Variants in GPBP1 observed in about 807,000 individuals in gnomAD.
GPBP1 encodes GC-rich promoter binding protein 1, also known as vasculin.
A neutral mutation model predicts 56.5 loss-of-function variants in GPBP1; 13 were observed. That is an observed-to-expected ratio of 0.23 (90% CI 0.15 to 0.37). The LOEUF (loss-of-function observed/expected upper bound fraction) is 0.37, where lower values mean the gene tolerates loss of function less well. GPBP1 is among the 10% of genes least tolerant of loss of function. The probability of loss-of-function intolerance (pLI) is 1.00; values close to 1 mark genes in which losing one functional copy is unlikely to be tolerated. For missense variants in GPBP1, 477 were observed against 572.3 expected, an observed-to-expected ratio of 0.83 and a Z score of 1.70; for synonymous variants, 204 against 188.9, an observed-to-expected ratio of 1.08 and a Z score of -0.66.
chr5:57,197,949 A>G (rs1237927859), intron 2 of GPBP1, among the ~76,000 whole-genome samples: 3 of 152,054 alleles, frequency 2.0e-5, no homozygotes, highest in Non-Finnish European at 4.4e-5. Context: ...ACGGCTGTCA[A>G]TGTTCTAGGA....
chr5:57,192,668 G>A (rs147310966), intron 2 of GPBP1, among the ~76,000 whole-genome samples: 3 of 148,498 alleles, frequency 2.0e-5, no homozygotes, highest in African/African-American at 7.4e-5. Context: ...CAGGAGAATC[G>A]CTTGAACCTG....
At chr5:57,210,137 A>C (rs1236815161) in intron 2 of GPBP1, among the ~76,000 whole-genome samples, 1 of 152,222 alleles carries the variant, frequency 6.6e-6, no homozygotes, top group Non-Finnish European at 1.5e-5. Context: ...AAAAAGTCTC[A>C]TCTATTTGTA....
At chr5:57,233,446 C>G (rs1756541064) in intron 5 of GPBP1, among the ~76,000 whole-genome samples, 1 of 152,094 alleles carries the variant, frequency 6.6e-6, no homozygotes, top group African/African-American at 2.4e-5. Flanking sequence ...ACTGATCCCC[C>G]CTTGAAGTCC....
rs374109153 is a variant in GPBP1 at position 57,218,638 on chromosome 5, C to T, written c.63+4445C>T. ...TGCTGAGACTGTTGGGGGCCCCAGT[C>T]TAAGTGACTATTAACATAAACTTGA... On this transcript the variant is annotated intron_variant, in intron 3 of 11. Coordinates refer to ENST00000506184, the MANE Select transcript of GPBP1 (RefSeq NM_022913.4). 1.1e-4 allele frequency among the ~76,000 whole-genome samples: 17 copies of T among 152,262 alleles called. No individual in the cohort carries two copies. In the East Asian group the frequency reaches 2.1e-3, roughly 19 times the overall value.
chr5:57,220,492 C>T (rs1234911389), intron 3 of GPBP1, among the ~76,000 whole-genome samples: 5 of 148,212 alleles, frequency 3.4e-5, no homozygotes, highest in African/African-American at 1.2e-4. Flanking sequence ...TGGAGTCTCG[C>T]TCTGTCGCCC....
At chr5:57,184,451 G>C (rs1754198851) in intron 2 of GPBP1, among the ~76,000 whole-genome samples, 1 of 152,032 alleles carries the variant, frequency 6.6e-6, no homozygotes, top group Admixed American at 6.6e-5. Context: ...AACTGGAGCA[G>C]GCATGTCACA....
chr5:57,185,897 A>T (rs1754264125), intron 2 of GPBP1, among the ~76,000 whole-genome samples: 1 of 151,694 alleles, frequency 6.6e-6, no homozygotes, highest in South Asian at 2.1e-4. Context: ...CCTACTGCAG[A>T]GGCTTGAGCC....
chr5:57,245,270 CT>C (rs376130994), intron 6 of GPBP1, among the ~76,000 whole-genome samples: 8 of 152,212 alleles, frequency 5.3e-5, no homozygotes, highest in African/African-American at 1.9e-4. Context: ...AGCCCTTGTT[CT>C]TTTTATCCTT....
At position 57,263,358 on chromosome 5, in the gene GPBP1, T is replaced by A. The variant is rs1325398537; in HGVS notation, c.*606T>A. On this transcript the variant is annotated 3_prime_UTR_variant, in exon 12 of 12. Coordinates refer to ENST00000506184, the MANE Select transcript of GPBP1 (RefSeq NM_022913.4). ...AACCATAAATTGCTCTTTAGCCATT[T>A]GTAGTGCAGTAAATGTTACAGGAAA... 6.6e-6 allele frequency: 1 copy of A among 152,232 alleles called. No homozygotes were observed. Among genetic ancestry groups the A allele is most frequent in the Non-Finnish European group, 1.5e-5 (1 of 68,040 alleles). 9.4% of individuals were successfully genotyped at this position (152,232 alleles called of 1,614,324 possible).
intron 2 of GPBP1, among the ~76,000 whole-genome samples, chr5:57,195,716 C>T (rs977751564): frequency 1.3e-5 from 2 of 151,938 alleles, no homozygotes; most frequent in African/African-American, 2.4e-5. Flanking sequence ...ATACGTTTTT[C>T]GGCTGGGCGC....
intron 11 of GPBP1, among the ~76,000 whole-genome samples, chr5:57,261,627 G>A (rs1450308925): frequency 6.6e-6 from 1 of 152,146 alleles, no homozygotes; most frequent in Non-Finnish European, 1.5e-5. Context: ...GATGTCTATG[G>A]ATTAGTCATT....
At chr5:57,262,007 G>GAGC (rs1741915211) in intron 11 of GPBP1, among the ~76,000 whole-genome samples, 1 of 152,112 alleles carries the variant, frequency 6.6e-6, no homozygotes, top group African/African-American at 2.4e-5. Context: ...TCAGCTTCCT[G>GAGC]AGCAGCTGGG....
At chr5:57,186,243 A>C (rs1057405594) in intron 2 of GPBP1, among the ~76,000 whole-genome samples, 1 of 152,050 alleles carries the variant, frequency 6.6e-6, no homozygotes, top group African/African-American at 2.4e-5. Flanking sequence ...CAAAAAATTT[A>C]AATTAAGTGG....
chr5:57,181,219 T>TGG lies in GPBP1; in HGVS notation c.-58+4819_-58+4820insGG, dbSNP rs1561318813. Among the ~76,000 whole-genome samples, 7 of 152,180 alleles carry TGG rather than the reference T, an allele frequency of 4.6e-5. No homozygotes were observed. In the East Asian group the frequency reaches 1.2e-3, roughly 25 times the overall value. On this transcript the variant is annotated intron_variant, in intron 2 of 11. Transcript: ENST00000506184. ...GCATGGTGACATGCGCCTGTAGTCC[T>TGG]AGCTACTTGGAAGGCTGAGGCAGGA...
chr5:57,234,563 C>A (rs866329713), intron 5 of GPBP1, among the ~76,000 whole-genome samples: 1 of 152,000 alleles, frequency 6.6e-6, no homozygotes. Context: ...CATAGCAAGA[C>A]CCATTATCTA....
chr5:57,251,072 A>G lies in GPBP1; in HGVS notation c.1091A>G (p.Gln364Arg). Residue 364 changes from glutamine (Q) to arginine (R), a missense_variant, in exon 10 of 12, where the codon CAG (glutamine) becomes CGG (arginine). This residue lies in a region of GPBP1 where 414 missense variants were observed against 458.2 expected (regional missense o/e 0.90). Coordinates refer to ENST00000506184, the MANE Select transcript of GPBP1 (RefSeq NM_022913.4). ...QENGNASVIS[Q>R]QIIRSSTFPQ... ...AATGGCAATGCCTCAGTGATTTCCC[A>G]GCAGATCATTCGGTCTTCAACCTTC... is the stretch of plus-strand genomic sequence containing the variant. 6.2e-7 allele frequency: 1 copy of G among 1,613,562 alleles called. No individual in the cohort carries two copies. The highest frequency in any genetic ancestry group is 8.5e-7 in the Non-Finnish European group (1 of 1,179,862).
At chr5:57,231,970 G>A (rs1299257468) in intron 5 of GPBP1, among the ~76,000 whole-genome samples, 2 of 152,146 alleles carry the variant, frequency 1.3e-5, no homozygotes, top group African/African-American at 2.4e-5. Flanking sequence ...GCCAAGATGC[G>A]ATCATCCTTG....
chr5:57,235,336 T>G (rs1215251005), intron 5 of GPBP1, among the ~76,000 whole-genome samples: 1 of 151,994 alleles, frequency 6.6e-6, no homozygotes, highest in African/African-American at 2.4e-5. Context: ...TCCTCTTCTC[T>G]GATCTTGACC....
At chr5:57,249,141 G>T in intron 8 of GPBP1, 1 of 301,446 alleles carries the variant, frequency 3.3e-6, no homozygotes, top group Non-Finnish European at 6.2e-6. Context: ...AACAATTCTA[G>T]GATGCATTTA....
Sources: allele counts gnomAD v4.1 joint callset (sites outside exome capture counted in the v4.1 genomes callset), GRCh38; gene constraint gnomAD v4.1.1; regional missense constraint gnomAD v4.1.1; transcripts MANE v1.5; gene names NCBI Gene and HGNC (gene_info 2026-07-23, HGNC 2026-07-21).